ZNF503: variants seen among roughly 807,000 people sequenced by gnomAD.
ZNF503 encodes the protein zinc finger protein 503, also known as NocA-like zinc finger 2.
ZNF503 carries 15 observed loss-of-function variants against 34.4 expected under a neutral mutation model. The ratio of observed to expected loss-of-function variants is 0.44; its 90% CI spans 0.29 to 0.67. The LOEUF is 0.67. Ranked by LOEUF, ZNF503 falls within the 30% of genes least tolerant of loss-of-function variation. The pLI is 0.13. For synonymous variants in ZNF503, 580 were observed against 456.8 expected (o/e 1.27, Z -3.44); for missense variants, 1,007 against 926.8 (o/e 1.09, Z -1.12).
At chr10:75,384,701 G>A in the ZNF503 span, among the ~76,000 whole-genome samples, 1 of 152,036 alleles carries the variant, frequency 6.6e-6, no homozygotes. Context: ...CCTCCCCAAA[G>A]CCCCCACCTG....
the ZNF503 span, among the ~76,000 whole-genome samples, chr10:75,342,722 C>T: frequency 2.0e-5 from 3 of 152,030 alleles, no homozygotes; most frequent in African/African-American, 7.2e-5. Context: ...AGCTTTGATA[C>T]ACGAGTTGTC....
At chr10:75,336,455 G>T in the ZNF503 span, among the ~76,000 whole-genome samples, 1 of 150,368 alleles carries the variant, frequency 6.7e-6, no homozygotes, top group Non-Finnish European at 1.5e-5. Context: ...ATTATTATTT[G>T]CCTTAGAAGT....
chr10:75,386,807 C>T, the ZNF503 span, among the ~76,000 whole-genome samples: 1 of 152,228 alleles, frequency 6.6e-6, no homozygotes, highest in Non-Finnish European at 1.5e-5. Flanking sequence ...CATCAAATGC[C>T]TATTCATCAT....
At position 75,401,354 on chromosome 10, in the gene ZNF503, T is replaced by TCCGCCTCCGCCG. The variant is rs1554886735; in HGVS notation, c.65_66insCGGCGGAGGCGG (p.Gly24_Gly27dup). On this transcript the variant is annotated inframe_insertion, in exon 1 of 2. Transcript: ENST00000372524. ...CAGGGTCTGCACCGCCGCCTCCGCC[T>TCCGCCTCCGCCG]CCGCCGCCGCCGCCGCCGCTGTGCT... 1,574 of 1,516,792 alleles carry TCCGCCTCCGCCG rather than the reference T, an allele frequency of 1.0e-3. 3 individuals are homozygous for TCCGCCTCCGCCG. Among genetic ancestry groups the TCCGCCTCCGCCG allele is most frequent in the South Asian group, 2.2e-3 (183 of 83,822 alleles). 94.0% of individuals were successfully genotyped at this position (1,516,792 alleles called of 1,614,324 possible). A position where few individuals can be genotyped will look rare whatever the true frequency, so the allele number is the denominator to read the frequency against.
the ZNF503 span, among the ~76,000 whole-genome samples, chr10:75,302,978 G>T: frequency 6.6e-6 from 1 of 152,204 alleles, no homozygotes; most frequent in South Asian, 2.1e-4. Context: ...ATTCTAGAGT[G>T]TTGAAGTGGT....
downstream of ZNF503, among the ~76,000 whole-genome samples, chr10:75,393,220 T>A (rs184479461): frequency 6.2e-4 from 94 of 152,042 alleles, no homozygotes; most frequent in East Asian, 6.2e-3. Flanking sequence ...CAGCATGGGG[T>A]AGGATTAAGT....
chr10:75,367,821 G>T, the ZNF503 span, among the ~76,000 whole-genome samples: 68 of 152,184 alleles, frequency 4.5e-4, no homozygotes, highest in Non-Finnish European at 8.4e-4. Context: ...TGACAGGACA[G>T]TATCTAACCT....
At position 75,401,569 on chromosome 10, in the gene ZNF503, G is replaced by T. The variant is rs1016174408; in HGVS notation, c.-150C>A. 3.2e-6 allele frequency: 3 copies of T among 925,232 alleles called. No individual in the cohort carries two copies. Among genetic ancestry groups the T allele is most frequent in the African/African-American group, 1.7e-5 (1 of 57,170 alleles). 57.3% of individuals were successfully genotyped at this position (925,232 alleles called of 1,614,324 possible). On this transcript the variant is annotated 5_prime_UTR_variant, in exon 1 of 2. Transcript: ENST00000372524. ...CGGGCGCCCAGCGCGCCTTCTCGGC[G>T]CCTGGAGCCAGACGCGAGTAATCCT...
chr10:75,353,514 G>C, the ZNF503 span, among the ~76,000 whole-genome samples: 1 of 152,184 alleles, frequency 6.6e-6, no homozygotes, highest in African/African-American at 2.4e-5. Context: ...GCTCAGGGCG[G>C]GTGCCAGGGA....
the ZNF503 span, among the ~76,000 whole-genome samples, chr10:75,325,041 G>T: frequency 1.3e-5 from 2 of 152,062 alleles, no homozygotes; most frequent in Non-Finnish European, 2.9e-5. Flanking sequence ...TGGCTATTAT[G>T]AATAATCTAT....
chr10:75,332,165 A>G, the ZNF503 span, among the ~76,000 whole-genome samples: 1 of 151,954 alleles, frequency 6.6e-6, no homozygotes, highest in Non-Finnish European at 1.5e-5. Flanking sequence ...CATTTTTTGA[A>G]TTAGTGGCTC....
chr10:75,318,839 TTCC>T, the ZNF503 span, among the ~76,000 whole-genome samples: 1 of 151,552 alleles, frequency 6.6e-6, no homozygotes, highest in South Asian at 2.1e-4. Flanking sequence ...ATAATAGGCT[TTCC>T]TCCTCTTTTT....
the ZNF503 span, among the ~76,000 whole-genome samples, chr10:75,357,167 A>G: frequency 6.6e-6 from 1 of 151,756 alleles, no homozygotes; most frequent in African/African-American, 2.4e-5. Context: ...TTCACTGGCT[A>G]TTATACTGGA....
At chr10:75,383,716 A>C in the ZNF503 span, among the ~76,000 whole-genome samples, 10 of 152,300 alleles carry the variant, frequency 6.6e-5, no homozygotes, top group South Asian at 2.1e-3. Flanking sequence ...TTCATTTGCT[A>C]TCTGTTCATT....
the ZNF503 span, among the ~76,000 whole-genome samples, chr10:75,384,019 C>T: frequency 6.6e-6 from 1 of 152,202 alleles, no homozygotes; most frequent in African/African-American, 2.4e-5. Context: ...TCAGAGGCTC[C>T]AGGAGGAGGT....
rs1486092232 is a variant in ZNF503 at position 75,399,180 on chromosome 10, C to T, written c.1510G>A (p.Gly504Ser). The T allele has an allele frequency of 1.2e-6, 2 of 1,609,754 alleles. No individual in the cohort carries two copies. The highest frequency in any genetic ancestry group is 2.2e-5 in the East Asian group (1 of 44,798). The change falls in exon 2 of 2, where the codon GGC (glycine) becomes AGC (serine). Residue 504 changes from glycine to serine, a missense_variant. Gly to Ser is a moderately conservative substitution (Grantham distance 56). Coordinates refer to ENST00000372524, the MANE Select transcript of ZNF503 (RefSeq NM_032772.6). ...SLAGHPLYPY[G>S]FMLPNDPLPH... ...AGTGGGTCGTTAGGGAGCATAAAGC[C>T]GTAGGGGTAGAGGGGGTGGCCGGCC...
At chr10:75,286,565 G>A in the ZNF503 span, among the ~76,000 whole-genome samples, 3 of 152,152 alleles carry the variant, frequency 2.0e-5, no homozygotes, top group African/African-American at 4.8e-5. Context: ...TAGCTTTTCT[G>A]TGTCTTCATT....
chr10:75,366,069 A>AG, the ZNF503 span, among the ~76,000 whole-genome samples: 1 of 152,252 alleles, frequency 6.6e-6, no homozygotes, highest in Non-Finnish European at 1.5e-5. Context: ...TTCAGTTAGT[A>AG]GGTGACAAGG....
chr10:75,333,596 C>CCA, the ZNF503 span, among the ~76,000 whole-genome samples: 1 of 89,026 alleles, frequency 1.1e-5, no homozygotes, highest in African/African-American at 5.7e-5. Flanking sequence ...CTGACCCCCC[C>CCA]ACCTTCCTCC....
Sources: gnomAD v4.1 joint callset for allele counts (sites outside exome capture counted in the v4.1 genomes callset) on GRCh38, gnomAD v4.1.1 for gene constraint, MANE v1.5 for transcripts, NCBI Gene and HGNC (gene_info 2026-07-23, HGNC 2026-07-21) for gene names.